The following FLACC1 variants were observed in gnomAD, a reference collection of about 807,000 sequenced individuals.
FLACC1 encodes the protein flagellum associated containing coiled-coil domains 1, also known as flagellum-associated coiled-coil domain-containing protein 1.
In FLACC1, 66 loss-of-function variants were observed where a neutral mutation model predicts 62.8. The ratio of observed to expected loss-of-function variants is 1.05; its 90% CI spans 0.86 to 1.29. FLACC1 has a LOEUF of 1.29. Among genes scored for constraint, FLACC1 ranks in the 50% most tolerant of loss-of-function variants. The pLI, the probability that FLACC1 is intolerant of heterozygous loss-of-function variation, is 0.00. For synonymous variants in FLACC1, 156 were observed against 161.0 expected (o/e 0.97, Z 0.24); for missense variants, 452 against 489.1 (o/e 0.92, Z 0.71).
chr2:201,323,496 G>C (rs938545320), intron 9 of FLACC1, among the ~76,000 whole-genome samples: 20 of 152,134 alleles, frequency 1.3e-4, no homozygotes, highest in African/African-American at 4.8e-4. Context: ...TGTAAAGCTA[G>C]GTTTTGTAAT....
chr2:201,359,115 GACATGATAGA>G (rs1477309730), upstream of FLACC1, among the ~76,000 whole-genome samples: 2 of 152,224 alleles, frequency 1.3e-5, no homozygotes, highest in African/African-American at 2.4e-5. Flanking sequence ...ATGGAGAGAA[GACATGATAGA>G]ACTTGGTGAT....
chr2:201,330,569 C>T, intron 8 of FLACC1, 47 bp from the exon 9 acceptor site: 3 of 1,594,248 alleles, frequency 1.9e-6, no homozygotes, highest in Non-Finnish European at 2.6e-6. Context: ...TTCTGATATG[C>T]ACATTTTCAA....
chr2:201,357,716 C>T (rs983498803), upstream of FLACC1, among the ~76,000 whole-genome samples: 1 of 152,128 alleles, frequency 6.6e-6, no homozygotes, highest in Admixed American at 6.5e-5. Flanking sequence ...ACTCTAGACA[C>T]TTTTTTCCCT....
intron 7 of FLACC1, among the ~76,000 whole-genome samples, chr2:201,340,758 C>T (rs1212884931): frequency 2.6e-5 from 4 of 152,070 alleles, no homozygotes; most frequent in Admixed American, 6.6e-5. Context: ...TTTCTGTTTC[C>T]GTTTTTAAAA....
chr2:201,329,494 G>C (rs555972620), intron 9 of FLACC1, among the ~76,000 whole-genome samples: 1 of 152,284 alleles, frequency 6.6e-6, no homozygotes, highest in South Asian at 2.1e-4. Flanking sequence ...ACCTTCTCTT[G>C]TATGTTAATC....
intron 5 of FLACC1, among the ~76,000 whole-genome samples, chr2:201,345,167 T>C (rs963953557): frequency 2.6e-5 from 4 of 152,234 alleles, no homozygotes; most frequent in African/African-American, 7.2e-5. Flanking sequence ...AGCTTGACTA[T>C]AGGTGCATGA....
intron 11 of FLACC1, among the ~76,000 whole-genome samples, chr2:201,304,028 G>C (rs1950048188): frequency 6.6e-6 from 1 of 152,184 alleles, no homozygotes; most frequent in Admixed American, 6.5e-5. Context: ...AAAAGACATG[G>C]ATGCCTTCTC....
Position 201,350,750 on chromosome 2 carries a change from T to A in FLACC1, c.146A>T (p.His49Leu). The A allele has an allele frequency of 6.2e-7, 1 of 1,613,766 alleles. No individual in the cohort carries two copies. Among genetic ancestry groups the A allele is most frequent in the Non-Finnish European group, 8.5e-7 (1 of 1,179,692 alleles). The part of the protein sequence containing the change: ...LTPLVPAPKN[H>L]NYLQPTKPVV... ...AGGTTTTGTTGGTTGGAGGTAATTGTGATTTTTTGGAGCTGGTACAAGAGG... is the reference window on the plus strand; with the variant it reads ...AGGTTTTGTTGGTTGGAGGTAATTGAGATTTTTTGGAGCTGGTACAAGAGG... The change falls in exon 3 of 15, where the codon CAC becomes CTC. Residue 49 changes from histidine (H) to leucine (L), a missense_variant. Physicochemically the swap from His to Leu is moderately conservative, Grantham distance 99 (BLOSUM62 -3). Coordinates refer to ENST00000392257, the MANE Select transcript of FLACC1 (RefSeq NM_001127391.3).
At chr2:201,343,205 G>C (rs2125611858) in intron 6 of FLACC1, among the ~76,000 whole-genome samples, 1 of 152,336 alleles carries the variant, frequency 6.6e-6, no homozygotes, top group South Asian at 2.1e-4. Flanking sequence ...AGTATTTTCA[G>C]TAACACAGTC....
At chr2:201,341,372 C>T (rs1238738522) in intron 7 of FLACC1, among the ~76,000 whole-genome samples, 1 of 143,860 alleles carries the variant, frequency 7.0e-6, no homozygotes, top group African/African-American at 2.6e-5. Context: ...TTGAGGTATA[C>T]AACATGATGT....
chr2:201,353,450 A>C (rs1951064892), intron 1 of FLACC1, among the ~76,000 whole-genome samples: 1 of 152,256 alleles, frequency 6.6e-6, no homozygotes, highest in Admixed American at 6.5e-5. Flanking sequence ...AGTTGAAAAT[A>C]ATTGCCTCTA....
At chr2:201,299,619 A>G (rs1175758786) in intron 11 of FLACC1, among the ~76,000 whole-genome samples, 1 of 152,246 alleles carries the variant, frequency 6.6e-6, no homozygotes, top group African/African-American at 2.4e-5. Context: ...ATGAAATCCC[A>G]GTCAAAATAT....
chr2:201,324,660 T>C (rs1559404338), intron 9 of FLACC1, among the ~76,000 whole-genome samples: 2 of 152,188 alleles, frequency 1.3e-5, no homozygotes, highest in South Asian at 2.1e-4. Context: ...TGAAGTATCT[T>C]CTCAGGCCAT....
chr2:201,299,092 A>T, intron 12 of FLACC1, 146 bp downstream of exon 12: 3 of 739,368 alleles, frequency 4.1e-6, no homozygotes, highest in Non-Finnish European at 4.4e-6. Flanking sequence ...TTTTTAACTT[A>T]TTGAATCCAG....
At chr2:201,348,345 G>T in intron 3 of FLACC1, 43 bp from the exon 4 acceptor site, 1 of 1,602,176 alleles carries the variant, frequency 6.2e-7, no homozygotes, top group South Asian at 1.1e-5. Flanking sequence ...AGACAGCAAA[G>T]AGAAGTTCAA....
At chr2:201,358,683 C>T (rs146942946), upstream of FLACC1, among the ~76,000 whole-genome samples, 9,212 of 152,084 alleles carry the variant, frequency 0.061, 572 homozygotes, top group East Asian at 0.25. Context: ...TCCCAAAGTG[C>T]TGGGATTACA....
intron 9 of FLACC1, among the ~76,000 whole-genome samples, chr2:201,311,700 C>CA (rs34119306): frequency 0.43 from 48,622 of 113,170 alleles, 9,989 homozygotes; most frequent in East Asian, 0.52. Flanking sequence ...GACACTGACT[C>CA]AAAAAAAAAA....
At chr2:201,321,188 G>A (rs1315823654) in intron 9 of FLACC1, among the ~76,000 whole-genome samples, 2 of 152,190 alleles carry the variant, frequency 1.3e-5, no homozygotes, top group Non-Finnish European at 2.9e-5. Context: ...TGGGAGACTT[G>A]AAGAGAGGTC....
At chr2:201,312,315 G>A (rs570735795) in intron 9 of FLACC1, among the ~76,000 whole-genome samples, 8 of 152,228 alleles carry the variant, frequency 5.3e-5, no homozygotes, top group South Asian at 4.1e-4. Context: ...AATCAATAAC[G>A]TAATCCCATT....
Sources: gnomAD v4.1 joint callset for allele counts (sites outside exome capture counted in the v4.1 genomes callset) on GRCh38, gnomAD v4.1.1 for gene constraint, MANE v1.5 for transcripts, NCBI Gene and HGNC (gene_info 2026-07-23, HGNC 2026-07-21) for gene names.